Variants in SYDE2 observed in about 807,000 individuals in gnomAD.
SYDE2 encodes synapse defective Rho GTPase homolog 2.
Under a neutral mutation model 91.5 loss-of-function variants are expected in SYDE2, and 76 were observed. That is an observed-to-expected ratio of 0.83 (90% CI 0.69 to 1.01). The LOEUF (loss-of-function observed/expected upper bound fraction) is 1.01, where lower values mean the gene tolerates loss of function less well. Among genes scored for constraint, SYDE2 ranks in the 50% least tolerant of loss-of-function variants. The pLI is 0.00. For synonymous variants in SYDE2, 513 were observed against 506.4 expected, an observed-to-expected ratio of 1.01 and a Z score of -0.18; for missense variants, 1,364 against 1,367.7, an observed-to-expected ratio of 1.00 and a Z score of 0.04.
chr1:85,185,637 G>A (rs541515676), intron 2 of SYDE2, among the ~76,000 whole-genome samples: 1 of 152,298 alleles, frequency 6.6e-6, no homozygotes, highest in Non-Finnish European at 1.5e-5. Flanking sequence ...TTGTGATTCT[G>A]TACATTGATT....
chr1:85,197,283 T>C (rs1339357651), intron 1 of SYDE2, among the ~76,000 whole-genome samples: 1 of 152,196 alleles, frequency 6.6e-6, no homozygotes, highest in Non-Finnish European at 1.5e-5. Context: ...AAGTTCTTAG[T>C]AGGAGCCAGA....
chr1:85,170,667 T>C (rs770652937), intron 4 of SYDE2, among the ~76,000 whole-genome samples: 1 of 152,178 alleles, frequency 6.6e-6, no homozygotes, highest in Non-Finnish European at 1.5e-5. Context: ...AAATCAGAAA[T>C]AAGAAACCTG....
intron 1 of SYDE2, chr1:85,194,947 T>C (rs1267606507): frequency 2.4e-6 from 1 of 418,418 alleles, no homozygotes; most frequent in Non-Finnish European, 3.2e-6. Flanking sequence ...GATCACGAGG[T>C]CAGGAGATCG....
At chr1:85,180,529 A>G (rs2100668882) in intron 3 of SYDE2, among the ~76,000 whole-genome samples, 1 of 151,734 alleles carries the variant, frequency 6.6e-6, no homozygotes, top group Middle Eastern at 3.4e-3. Context: ...GTCTCTACTA[A>G]AAAAAATACA....
intron 3 of SYDE2, 73 bp downstream of exon 3, chr1:85,182,025 G>C (rs557293064): frequency 1.1e-5 from 15 of 1,399,812 alleles, no homozygotes; most frequent in Middle Eastern, 4.5e-4. Flanking sequence ...ACATTACCTT[G>C]AATTTCTTCC....
chr1:85,155,647 T>C (rs1022274178), downstream of SYDE2, among the ~76,000 whole-genome samples: 3 of 152,230 alleles, frequency 2.0e-5, no homozygotes, highest in Admixed American at 6.5e-5. Context: ...TGAAGCATTC[T>C]GCTTAAATCA....
chr1:85,160,279 T>C, intron 6 of SYDE2: 2 of 937,932 alleles, frequency 2.1e-6, no homozygotes, highest in Non-Finnish European at 2.5e-6. Context: ...ACTGAAAAAC[T>C]ATAAAAACAT....
intron 1 of SYDE2, among the ~76,000 whole-genome samples, chr1:85,193,683 G>A (rs1209794098): frequency 6.6e-6 from 1 of 151,934 alleles, no homozygotes; most frequent in Non-Finnish European, 1.5e-5. Context: ...GAGCACAGTG[G>A]CACCATTATG....
At chr1:85,186,723 T>C (rs1184836621) in intron 2 of SYDE2, among the ~76,000 whole-genome samples, 5 of 151,738 alleles carry the variant, frequency 3.3e-5, no homozygotes, top group Admixed American at 2.6e-4. Context: ...TATCTACAAC[T>C]ATCTGATCTT....
chr1:85,165,903 T>C (rs944466415), intron 5 of SYDE2, among the ~76,000 whole-genome samples: 11 of 135,192 alleles, frequency 8.1e-5, no homozygotes, highest in African/African-American at 3.1e-4. Context: ...AGACAGGGTC[T>C]CACTCTGTTG....
At chr1:85,177,591 C>T (rs1441358198) in intron 4 of SYDE2, among the ~76,000 whole-genome samples, 1 of 152,160 alleles carries the variant, frequency 6.6e-6, no homozygotes, top group Non-Finnish European at 1.5e-5. Context: ...CCTATTTCTA[C>T]TGCTACAAGC....
intron 4 of SYDE2, among the ~76,000 whole-genome samples, chr1:85,170,792 A>C (rs1657475834): frequency 1.3e-5 from 2 of 152,236 alleles, no homozygotes; most frequent in Non-Finnish European, 2.9e-5. Context: ...GTTCAATGTA[A>C]GGATGTCCCA....
At chr1:85,191,535 G>A (rs1171088142) in intron 1 of SYDE2, among the ~76,000 whole-genome samples, 1 of 152,102 alleles carries the variant, frequency 6.6e-6, no homozygotes, top group African/African-American at 2.4e-5. Flanking sequence ...CGAGGCAGGA[G>A]GATCACGAGG....
intron 2 of SYDE2, among the ~76,000 whole-genome samples, chr1:85,188,858 T>C (rs1464504054): frequency 6.6e-6 from 1 of 152,172 alleles, no homozygotes; most frequent in Non-Finnish European, 1.5e-5. Flanking sequence ...ATTTAAATAG[T>C]AATAAAACCC....
At chr1:85,176,957 T>C (rs939103782) in intron 4 of SYDE2, among the ~76,000 whole-genome samples, 31 of 152,198 alleles carry the variant, frequency 2.0e-4, no homozygotes, top group Non-Finnish European at 1.5e-5. Context: ...CTCCTGAAGG[T>C]TACCAATAAG....
intron 1 of SYDE2, among the ~76,000 whole-genome samples, chr1:85,199,642 G>T (rs6668323): frequency 0.21 from 32,218 of 151,896 alleles, 3,641 homozygotes; most frequent in South Asian, 0.26. Context: ...GTCGGGGGGA[G>T]GCAGGTGGAG....
chr1:85,187,102 T>C (rs1005498242), intron 2 of SYDE2, among the ~76,000 whole-genome samples: 1 of 152,050 alleles, frequency 6.6e-6, no homozygotes, highest in African/African-American at 2.4e-5. Flanking sequence ...GAGAAAATTT[T>C]CGCAACCTAC....
chr1:85,168,381 T>C (rs754075227), intron 5 of SYDE2, among the ~76,000 whole-genome samples: 5 of 152,236 alleles, frequency 3.3e-5, no homozygotes, highest in African/African-American at 9.6e-5. Flanking sequence ...ATAAAAAATG[T>C]AGGCAAATTT....
chr1:85,182,380 T>C lies in SYDE2; in HGVS notation c.2262A>G (p.Arg754=), dbSNP rs778267010. The C allele has an allele frequency of 6.2e-7, 1 of 1,613,854 alleles. No individual in the cohort carries two copies. Among genetic ancestry groups the C allele is most frequent in the Non-Finnish European group, 8.5e-7 (1 of 1,179,828 alleles). ...TTCCATGACAACAAACTCGATTTTT[T>C]CTTGGAGTGGGTTCCCAACTGAATA... is the stretch of plus-strand genomic sequence containing the variant. ...LVVFSWEPTP[R]KNRVCCHGTV... The change falls in exon 3 of 7, where the codon AGA becomes AGG. Residue 754 remains arginine, a synonymous_variant. Transcript: ENST00000341460.
Sources: gnomAD v4.1 joint callset for allele counts (sites outside exome capture counted in the v4.1 genomes callset) on GRCh38, gnomAD v4.1.1 for gene constraint, MANE v1.5 for transcripts, NCBI Gene and HGNC (gene_info 2026-07-23, HGNC 2026-07-21) for gene names.